Variants in ABCB5 observed in about 807,000 individuals in gnomAD.
ABCB5 encodes the protein ATP-binding cassette sub-family B member 5.
ABCB5 carries 155 observed loss-of-function variants against 144.2 expected under a neutral mutation model. The ratio of observed to expected loss-of-function variants is 1.08; its 90% CI spans 0.94 to 1.23. ABCB5 has a LOEUF of 1.23. Ranked by LOEUF, ABCB5 falls within the 50% of genes most tolerant of loss-of-function variation. The pLI is 0.00. For missense variants in ABCB5, 1,830 were observed against 1,520.8 expected, an observed-to-expected ratio of 1.20 and a Z score of -3.38; for synonymous variants, 610 against 528.6, an observed-to-expected ratio of 1.15 and a Z score of -2.11.
intron 21 of ABCB5, among the ~76,000 whole-genome samples, chr7:20,724,714 CA>C (rs1302673231): frequency 6.6e-6 from 1 of 150,838 alleles, no homozygotes; most frequent in African/African-American, 2.4e-5. Context: ...CTCTGAATAG[CA>C]AAATGATGTT....
intron 27 of ABCB5, among the ~76,000 whole-genome samples, chr7:20,754,563 T>C (rs1216365239): frequency 6.6e-6 from 1 of 152,202 alleles, no homozygotes; most frequent in African/African-American, 2.4e-5. Flanking sequence ...CACTCCCACT[T>C]TCTCTATATA....
At chr7:20,675,820 A>G (rs1169235649) in intron 14 of ABCB5, among the ~76,000 whole-genome samples, 1 of 152,010 alleles carries the variant, frequency 6.6e-6, no homozygotes, top group Non-Finnish European at 1.5e-5. Flanking sequence ...GTAAAAAACA[A>G]AAATAAAGAA....
chr7:20,737,930 GT>G (rs1782441058), intron 23 of ABCB5, among the ~76,000 whole-genome samples: 1 of 152,098 alleles, frequency 6.6e-6, no homozygotes, highest in African/African-American at 2.4e-5. Context: ...TGTTATTTTT[GT>G]TTTTATATTT....
At chr7:20,743,136 T>C in intron 25 of ABCB5, 62 bp downstream of exon 25, 1 of 1,548,954 alleles carries the variant, frequency 6.5e-7, no homozygotes, top group South Asian at 1.2e-5. Context: ...AAACATTCAC[T>C]AGGGCTTAAG....
chr7:20,667,160 T>C (rs1373405735), intron 14 of ABCB5: 13 of 861,374 alleles, frequency 1.5e-5, no homozygotes, highest in Non-Finnish European at 1.8e-5. Flanking sequence ...TGTGATTTAT[T>C]TGATGCACTC....
rs950647261 is a variant in ABCB5 at position 20,643,216 on chromosome 7, C to T, written c.347C>T (p.Ala116Val). ...CTGTATTATGTTGGAATAGGTGTTG[C>T]TGCCTTGATTTTTGGTTACATACAG... ...LTLYYVGIGVAALIFGYIQIS... is the reference protein window; with the variant it reads ...LTLYYVGIGVVALIFGYIQIS... The change falls in exon 6 of 28, where the codon GCT (alanine) becomes GTT (valine). Residue 116 changes from alanine to valine, a missense_variant. Coordinates refer to ENST00000404938, the MANE Select transcript of ABCB5 (RefSeq NM_001163941.2). 2 of 1,612,822 alleles carry T rather than the reference C, an allele frequency of 1.2e-6. No individual in the cohort carries two copies. The highest frequency in any genetic ancestry group is 1.3e-5 in the African/African-American group (1 of 74,916).
intron 14 of ABCB5, among the ~76,000 whole-genome samples, chr7:20,662,388 T>A (rs1347574049): frequency 6.6e-6 from 1 of 152,176 alleles, no homozygotes; most frequent in East Asian, 1.9e-4. Flanking sequence ...GAAATTGGTG[T>A]ATTACATTAA....
chr7:20,673,755 A>C (rs1025744603), intron 14 of ABCB5, among the ~76,000 whole-genome samples: 2 of 152,018 alleles, frequency 1.3e-5, no homozygotes, highest in African/African-American at 2.4e-5. Context: ...GACCATTTAC[A>C]TTTAATCTGA....
At chr7:20,653,056 A>G (rs1359749704) in intron 13 of ABCB5, among the ~76,000 whole-genome samples, 2 of 152,244 alleles carry the variant, frequency 1.3e-5, no homozygotes, top group African/African-American at 4.8e-5. Context: ...ATCTTTGGGA[A>G]CACACATTTC....
chr7:20,658,346 C>T (rs1260186965), intron 13 of ABCB5, among the ~76,000 whole-genome samples, 160 bp from the exon 14 acceptor site: 7 of 142,420 alleles, frequency 4.9e-5, no homozygotes, highest in South Asian at 2.2e-4. Flanking sequence ...TTTTTTACAG[C>T]GGTTTGTTTT....
intron 19 of ABCB5, 131 bp downstream of exon 19, chr7:20,700,266 C>A: frequency 1.3e-6 from 1 of 758,044 alleles, no homozygotes; most frequent in Non-Finnish European, 2.0e-6. Flanking sequence ...TTCTAAGCAG[C>A]AAAAATCTGA....
chr7:20,632,396 T>C (rs1784057762), intron 5 of ABCB5, among the ~76,000 whole-genome samples: 1 of 152,156 alleles, frequency 6.6e-6, no homozygotes, highest in African/African-American at 2.4e-5. Flanking sequence ...TTTTGCCTCC[T>C]AGTAATATCC....
intron 14 of ABCB5, chr7:20,660,327 A>T (rs1000445483): frequency 1.0e-6 from 1 of 985,292 alleles, no homozygotes; most frequent in Non-Finnish European, 1.2e-6. Flanking sequence ...ACTTATTTCA[A>T]AAATTCATTT....
At chr7:20,729,913 G>A (rs1245624394) in intron 23 of ABCB5, among the ~76,000 whole-genome samples, 1 of 152,074 alleles carries the variant, frequency 6.6e-6, no homozygotes, top group African/African-American at 2.4e-5. Flanking sequence ...CCTTATTGTT[G>A]GCATATTTGT....
intron 14 of ABCB5, among the ~76,000 whole-genome samples, chr7:20,674,721 G>T (rs1785549708): frequency 6.8e-6 from 1 of 146,566 alleles, no homozygotes; most frequent in Admixed American, 6.8e-5. Context: ...CAGATCATAT[G>T]ATCTTAAAAT....
chr7:20,730,413 G>T (rs1327782468), intron 23 of ABCB5, among the ~76,000 whole-genome samples: 1 of 152,210 alleles, frequency 6.6e-6, no homozygotes, highest in Non-Finnish European at 1.5e-5. Flanking sequence ...GGAGGCTGAG[G>T]CATGAGAATC....
intron 2 of ABCB5, among the ~76,000 whole-genome samples, 152 bp from the exon 3 acceptor site, chr7:20,626,405 A>T (rs1783909857): frequency 6.6e-6 from 1 of 152,238 alleles, no homozygotes; most frequent in Non-Finnish European, 1.5e-5. Flanking sequence ...ACCAGTGACA[A>T]CTGTCTATCA....
At chr7:20,735,656 GT>G (rs1782358726) in intron 23 of ABCB5, among the ~76,000 whole-genome samples, 1 of 152,192 alleles carries the variant, frequency 6.6e-6, no homozygotes, top group South Asian at 2.1e-4. Flanking sequence ...TCAAAGGACA[GT>G]TGATATCTAG....
At chr7:20,668,940 T>C (rs1423697435) in intron 14 of ABCB5, among the ~76,000 whole-genome samples, 3 of 97,520 alleles carry the variant, frequency 3.1e-5, no homozygotes, top group Non-Finnish European at 5.9e-5. Context: ...TGAGGACCCC[T>C]CTGCCCGGCC....
Sources: gnomAD v4.1 joint callset for allele counts (sites outside exome capture counted in the v4.1 genomes callset) on GRCh38, gnomAD v4.1.1 for gene constraint, MANE v1.5 for transcripts, NCBI Gene and HGNC (gene_info 2026-07-23, HGNC 2026-07-21) for gene names.